Variants in NEGR1 observed in about 807,000 individuals in gnomAD.
NEGR1 encodes the protein neuronal growth regulator 1, also known as IgLON family member 4.
In NEGR1, 10 loss-of-function variants were observed where a neutral mutation model predicts 40.9. That is an observed-to-expected ratio of 0.24 (90% CI 0.15 to 0.42). The LOEUF (loss-of-function observed/expected upper bound fraction) is 0.42, where lower values mean the gene tolerates loss of function less well. Ranked by LOEUF, NEGR1 falls within the 10% of genes least tolerant of loss-of-function variation. The pLI, the probability that NEGR1 is intolerant of heterozygous loss-of-function variation, is 1.00. For missense variants in NEGR1, 352 were observed against 438.9 expected, an observed-to-expected ratio of 0.80 and a Z score of 1.77; for synonymous variants, 185 against 166.8, an observed-to-expected ratio of 1.11 and a Z score of -0.84.
At chr1:72,149,738 C>T (rs571667808) in intron 1 of NEGR1, among the ~76,000 whole-genome samples, 21 of 151,508 alleles carry the variant, frequency 1.4e-4, no homozygotes, top group South Asian at 6.3e-4. Flanking sequence ...CAAAATTAGC[C>T]GGGCATAGTG....
At chr1:72,241,772 A>T (rs1164875147) in intron 1 of NEGR1, among the ~76,000 whole-genome samples, 2 of 151,670 alleles carry the variant, frequency 1.3e-5, no homozygotes, top group Non-Finnish European at 3.0e-5. Flanking sequence ...CCCAAATTAC[A>T]AATCACTTTC....
chr1:71,782,110 A>G (rs1045960305), intron 2 of NEGR1, among the ~76,000 whole-genome samples: 31 of 152,138 alleles, frequency 2.0e-4, no homozygotes, highest in Admixed American at 5.2e-4. Flanking sequence ...TCATGAGTTA[A>G]AATCTTAACC....
intron 1 of NEGR1, among the ~76,000 whole-genome samples, chr1:71,938,591 T>G (rs1645931734): frequency 1.3e-5 from 2 of 152,044 alleles, no homozygotes; most frequent in African/African-American, 4.8e-5. Context: ...GGAAGCTATG[T>G]AGGGTACAAT....
chr1:72,173,854 A>C (rs962911784), intron 1 of NEGR1, among the ~76,000 whole-genome samples: 1 of 152,006 alleles, frequency 6.6e-6, no homozygotes, highest in African/African-American at 2.4e-5. Context: ...GAGGCAGGAG[A>C]ATTGCTTGAA....
intron 4 of NEGR1, among the ~76,000 whole-genome samples, chr1:71,690,804 T>C (rs1653252828): frequency 6.6e-6 from 1 of 151,992 alleles, no homozygotes; most frequent in Admixed American, 6.6e-5. Flanking sequence ...AGTCAAACTC[T>C]ATTATTCCTA....
intron 2 of NEGR1, among the ~76,000 whole-genome samples, chr1:71,865,590 G>A (rs1660088357): frequency 1.3e-5 from 2 of 152,080 alleles, no homozygotes; most frequent in South Asian, 4.1e-4. Context: ...ATCACACACT[G>A]GGGCCTGTCA....
chr1:71,970,907 C>T (rs1003637322), intron 1 of NEGR1, among the ~76,000 whole-genome samples: 5 of 152,142 alleles, frequency 3.3e-5, no homozygotes, highest in African/African-American at 9.7e-5. Context: ...CACCATTGTA[C>T]TGGTAGGAAA....
At chr1:71,938,385 C>A (rs1248509366) in intron 1 of NEGR1, among the ~76,000 whole-genome samples, 2 of 148,778 alleles carry the variant, frequency 1.3e-5, no homozygotes, top group African/African-American at 4.9e-5. Flanking sequence ...CATACACACA[C>A]ACACAGCTGT....
At chr1:72,242,153 T>C (rs905886578) in intron 1 of NEGR1, among the ~76,000 whole-genome samples, 1 of 151,806 alleles carries the variant, frequency 6.6e-6, no homozygotes, top group Non-Finnish European at 1.5e-5. Flanking sequence ...ATTCTTGTTA[T>C]GTTGCATTCA....
chr1:71,729,644 TTTG>T (rs1376443237), intron 3 of NEGR1, among the ~76,000 whole-genome samples: 1 of 152,010 alleles, frequency 6.6e-6, no homozygotes, highest in Admixed American at 6.6e-5. Context: ...TGTTGTTGTT[TTTG>T]TTGTTTTTAG....
chr1:71,810,014 A>G (rs756772872), intron 2 of NEGR1, among the ~76,000 whole-genome samples: 2 of 152,142 alleles, frequency 1.3e-5, no homozygotes, highest in African/African-American at 2.4e-5. Flanking sequence ...AGTGAACTGC[A>G]ATGGTTGATC....
intron 2 of NEGR1, among the ~76,000 whole-genome samples, chr1:71,911,994 G>A (rs1387333667): frequency 1.3e-5 from 2 of 152,124 alleles, no homozygotes; most frequent in Non-Finnish European, 2.9e-5. Flanking sequence ...TATCAAGAAT[G>A]TACCCTGGTG....
intron 4 of NEGR1, among the ~76,000 whole-genome samples, chr1:71,664,118 A>G (rs1404590027): frequency 6.6e-6 from 1 of 152,152 alleles, no homozygotes; most frequent in Non-Finnish European, 1.5e-5. Flanking sequence ...TTGTATTATC[A>G]TTTCTTCTAT....
At chr1:71,907,196 G>GT (rs2101869347) in intron 2 of NEGR1, among the ~76,000 whole-genome samples, 1 of 152,224 alleles carries the variant, frequency 6.6e-6, no homozygotes, top group Non-Finnish European at 1.5e-5. Context: ...CTCGTTTAAA[G>GT]ACATGAAAGT....
At chr1:71,717,845 C>T (rs938415706) in intron 3 of NEGR1, among the ~76,000 whole-genome samples, 1 of 152,166 alleles carries the variant, frequency 6.6e-6, no homozygotes, top group African/African-American at 2.4e-5. Context: ...AAACTGAACA[C>T]AGGCATAGGC....
intron 1 of NEGR1, among the ~76,000 whole-genome samples, chr1:72,222,058 T>C (rs1013035518): frequency 2.6e-5 from 4 of 151,974 alleles, no homozygotes; most frequent in African/African-American, 9.7e-5. Context: ...CCAGTACCTG[T>C]GAACCCAACC....
At chr1:71,628,294 C>A (rs915880703) in intron 4 of NEGR1, among the ~76,000 whole-genome samples, 8 of 151,740 alleles carry the variant, frequency 5.3e-5, no homozygotes, top group African/African-American at 1.9e-4. Flanking sequence ...TAAGACTTGG[C>A]CCAATATCAG....
chr1:71,871,012 T>G (rs1360288379), intron 2 of NEGR1, among the ~76,000 whole-genome samples: 2 of 152,326 alleles, frequency 1.3e-5, no homozygotes, highest in East Asian at 1.9e-4. Flanking sequence ...ATAAGAGAAC[T>G]GTGAGAAGCA....
chr1:71,554,102 T>G (rs1184475739), intron 6 of NEGR1, among the ~76,000 whole-genome samples: 1 of 151,524 alleles, frequency 6.6e-6, no homozygotes, highest in African/African-American at 2.4e-5. Context: ...TTTATGCCTT[T>G]CAGACATATT....
Sources: gnomAD v4.1 joint callset for allele counts (sites outside exome capture counted in the v4.1 genomes callset) on GRCh38, gnomAD v4.1.1 for gene constraint, MANE v1.5 for transcripts, NCBI Gene and HGNC (gene_info 2026-07-23, HGNC 2026-07-21) for gene names.